TCF7L2: variants seen among roughly 807,000 people sequenced by gnomAD.
TCF7L2 encodes transcription factor 7-like 2.
In TCF7L2, 23 loss-of-function variants were observed where a neutral mutation model predicts 77.9. That is an observed-to-expected ratio of 0.30 (90% CI 0.21 to 0.42). The LOEUF is 0.42. TCF7L2 is among the 10% of genes least tolerant of loss of function. TCF7L2 has a pLI of 1.00. For missense variants in TCF7L2, 654 were observed against 793.1 expected (o/e 0.82, Z 2.11); for synonymous variants, 413 against 340.2 (o/e 1.21, Z -2.36).
intron 5 of TCF7L2, among the ~76,000 whole-genome samples, chr10:113,102,141 A>T (rs1158876743): frequency 7.7e-6 from 1 of 129,564 alleles, no homozygotes; most frequent in Non-Finnish European, 1.6e-5. Flanking sequence ...AAAAAAAAAA[A>T]AGTGAGAAAG....
At chr10:112,951,669 C>T in intron 3 of TCF7L2, 62 bp downstream of exon 3, 1 of 1,005,744 alleles carries the variant, frequency 9.9e-7, no homozygotes, top group Non-Finnish European at 1.2e-6. Context: ...CCGCCGGGCC[C>T]CGCATGCGGC....
At chr10:112,986,259 C>A (rs2041519169) in intron 4 of TCF7L2, among the ~76,000 whole-genome samples, 1 of 151,986 alleles carries the variant, frequency 6.6e-6, no homozygotes, top group Admixed American at 6.6e-5. Flanking sequence ...GTAGATGTTT[C>A]TCGGGTTCTC....
intron 5 of TCF7L2, among the ~76,000 whole-genome samples, chr10:113,120,672 T>C (rs995713872): frequency 2.6e-5 from 4 of 151,996 alleles, no homozygotes; most frequent in South Asian, 4.2e-4. Context: ...AAATACTGAG[T>C]TGCACCGAGC....
In TCF7L2 at chr10:113,021,558, A is replaced by T. The variant is rs1255890586; in HGVS notation, c.451-18467A>T. 4.6e-5 allele frequency among the ~76,000 whole-genome samples: 7 copies of T among 152,298 alleles called. No individual in the cohort carries two copies. The South Asian group carries it at 1.5e-3, about 32-fold the overall frequency. ...CTACTATAAGCTGCTGCCTGCAATT[A>T]TGATTTGGGAACAACTCTGAAAGTA... On this transcript the variant is annotated intron_variant, in intron 4 of 13. Transcript: ENST00000627217.
chr10:112,984,314 GT>G (rs944406541), intron 4 of TCF7L2, among the ~76,000 whole-genome samples: 2 of 150,390 alleles, frequency 1.3e-5, no homozygotes, highest in African/African-American at 2.4e-5. Flanking sequence ...TTTTGTTTTT[GT>G]TTTTTTTTGG....
intron 3 of TCF7L2, among the ~76,000 whole-genome samples, chr10:112,955,062 A>G (rs2033151587): frequency 6.6e-6 from 1 of 152,178 alleles, no homozygotes. Context: ...TGGAGTGTGA[A>G]GGGTTAATGG....
intron 4 of TCF7L2, among the ~76,000 whole-genome samples, chr10:113,031,502 T>G (rs1447152298): frequency 8.6e-5 from 13 of 150,650 alleles, no homozygotes; most frequent in Admixed American, 8.0e-4. Context: ...TTTTTTTTCC[T>G]TTTGAGATGG....
At chr10:113,032,764 T>C (rs1394334317) in intron 4 of TCF7L2, among the ~76,000 whole-genome samples, 2 of 152,210 alleles carry the variant, frequency 1.3e-5, no homozygotes, top group African/African-American at 4.8e-5. Context: ...AGTTTCCTCC[T>C]TGCTAACAGG....
intron 5 of TCF7L2, among the ~76,000 whole-genome samples, chr10:113,108,448 G>C (rs1034419558): frequency 6.6e-6 from 1 of 152,134 alleles, no homozygotes; most frequent in Non-Finnish European, 1.5e-5. Flanking sequence ...GCCATTGTGG[G>C]GGGGAGGGGT....
At chr10:112,984,169 A>G (rs1418006454) in intron 4 of TCF7L2, among the ~76,000 whole-genome samples, 1 of 152,190 alleles carries the variant, frequency 6.6e-6, no homozygotes, top group African/African-American at 2.4e-5. Flanking sequence ...AGTGTTGGTC[A>G]ATAGACTTTC....
chr10:113,065,439 G>A (rs1167396676), intron 5 of TCF7L2, among the ~76,000 whole-genome samples: 2 of 152,178 alleles, frequency 1.3e-5, no homozygotes, highest in Middle Eastern at 3.2e-3. Context: ...CCTTATTTTT[G>A]TTCAGTATAT....
intron 4 of TCF7L2, among the ~76,000 whole-genome samples, chr10:113,035,940 G>A (rs977333541): frequency 2.6e-5 from 4 of 152,148 alleles, no homozygotes; most frequent in African/African-American, 9.7e-5. Flanking sequence ...GCACTTTGCA[G>A]AAAAAGTTTG....
At chr10:113,140,867 C>G (rs1342971814) in intron 5 of TCF7L2, among the ~76,000 whole-genome samples, 1 of 152,188 alleles carries the variant, frequency 6.6e-6, no homozygotes, top group Non-Finnish European at 1.5e-5. Flanking sequence ...AGATTGAAGT[C>G]TCCACTTCTG....
chr10:113,010,390 G>A (rs1199180813), intron 4 of TCF7L2, among the ~76,000 whole-genome samples: 2 of 152,168 alleles, frequency 1.3e-5, no homozygotes. Context: ...GAGGAGCCAG[G>A]CATCAGTAAT....
intron 5 of TCF7L2, among the ~76,000 whole-genome samples, chr10:113,064,607 C>T (rs764311448): frequency 6.6e-6 from 1 of 152,170 alleles, no homozygotes; most frequent in African/African-American, 2.4e-5. Context: ...CAGCTTTTCC[C>T]TTTTTTACCT....
intron 5 of TCF7L2, among the ~76,000 whole-genome samples, chr10:113,135,100 G>T (rs545424251): frequency 2.6e-5 from 4 of 152,320 alleles, no homozygotes; most frequent in African/African-American, 7.2e-5. Context: ...TGGGGTCGGG[G>T]TGAGAGGGGG....
chr10:112,992,118 G>T (rs1235124690), intron 4 of TCF7L2, among the ~76,000 whole-genome samples: 1 of 152,162 alleles, frequency 6.6e-6, no homozygotes, highest in African/African-American at 2.4e-5. Flanking sequence ...ACTCCAGGCG[G>T]CCTGTTGGTC....
intron 4 of TCF7L2, among the ~76,000 whole-genome samples, chr10:113,022,794 A>G (rs562119312): frequency 7.9e-5 from 12 of 150,956 alleles, no homozygotes; most frequent in Non-Finnish European, 8.9e-5. Flanking sequence ...TTGTATTCCC[A>G]TTTTACAGAT....
At chr10:112,973,488 G>T (rs751711977) in intron 4 of TCF7L2, among the ~76,000 whole-genome samples, 2 of 152,154 alleles carry the variant, frequency 1.3e-5, no homozygotes, top group Admixed American at 1.3e-4. Context: ...TGGTCTAGGG[G>T]ATCCTGGAAT....
Sources: gnomAD v4.1 joint callset for allele counts (sites outside exome capture counted in the v4.1 genomes callset) on GRCh38, gnomAD v4.1.1 for gene constraint, MANE v1.5 for transcripts, NCBI Gene and HGNC (gene_info 2026-07-23, HGNC 2026-07-21) for gene names.